TRIM2: variants seen among roughly 807,000 people sequenced by gnomAD.
The protein encoded by TRIM2 is tripartite motif-containing protein 2.
A neutral mutation model predicts 75.2 loss-of-function variants in TRIM2; 20 were observed. That is an observed-to-expected ratio of 0.27 (90% CI 0.19 to 0.39). The LOEUF (loss-of-function observed/expected upper bound fraction) is 0.39, where lower values mean the gene tolerates loss of function less well. Ranked by LOEUF, TRIM2 falls within the 10% of genes least tolerant of loss-of-function variation. The pLI is 1.00. For synonymous variants in TRIM2, 373 were observed against 388.3 expected, an observed-to-expected ratio of 0.96 and a Z score of 0.46; for missense variants, 660 against 990.8, an observed-to-expected ratio of 0.67 and a Z score of 4.48.
At chr4:153,250,340 G>A (rs920393109) in intron 1 of TRIM2, among the ~76,000 whole-genome samples, 1 of 152,072 alleles carries the variant, frequency 6.6e-6, no homozygotes, top group African/African-American at 2.4e-5. Context: ...GGCTGGTCTC[G>A]AGCGCCTGAT....
At chr4:153,332,522 G>A (rs532527603) in intron 11 of TRIM2, among the ~76,000 whole-genome samples, 1 of 152,200 alleles carries the variant, frequency 6.6e-6, no homozygotes, top group South Asian at 2.1e-4. Flanking sequence ...GTGTGTGCCT[G>A]TAATCCCAGC....
chr4:153,301,178 G>A (rs1319239202), intron 6 of TRIM2, among the ~76,000 whole-genome samples: 7 of 150,070 alleles, frequency 4.7e-5, no homozygotes, highest in East Asian at 2.0e-4. Flanking sequence ...GTGACAGAGC[G>A]AGACTCTATC....
At position 153,294,424 on chromosome 4, in the gene TRIM2, T is replaced by C; in HGVS notation, c.725T>C (p.Leu242Ser). 6.2e-7 allele frequency: 1 copy of C among 1,614,126 alleles called. No homozygotes were observed. The highest frequency in any genetic ancestry group is 8.5e-7 in the Non-Finnish European group (1 of 1,180,004). The change falls in exon 5 of 12, where the codon TTA becomes TCA. Residue 242 changes from leucine (L) to serine (S), a missense_variant. Coordinates refer to ENST00000338700, the MANE Select transcript of TRIM2 (RefSeq NM_015271.5). ...HSTFDELQKT[L>S]NVRKSVLLME... ...ACCTTTGATGAGCTCCAGAAGACTT[T>C]AAATGTGCGCAAGAGTGTGCTGCTT...
At chr4:153,314,525 A>G (rs1767165292) in intron 6 of TRIM2, among the ~76,000 whole-genome samples, 1 of 151,734 alleles carries the variant, frequency 6.6e-6, no homozygotes, top group South Asian at 2.1e-4. Context: ...ACACAGGAGC[A>G]TCGCTTAGGC....
chr4:153,245,412 T>C (rs1748868647), intron 1 of TRIM2, among the ~76,000 whole-genome samples: 1 of 152,268 alleles, frequency 6.6e-6, no homozygotes, highest in Admixed American at 6.5e-5. Context: ...AAGCAAAATC[T>C]ACTAAAGGTG....
intron 10 of TRIM2, 47 bp from the exon 11 acceptor site, chr4:153,328,483 C>T (rs371698929): frequency 6.6e-6 from 10 of 1,526,152 alleles, no homozygotes; most frequent in Non-Finnish European, 8.9e-6. Flanking sequence ...CATGTTGGTT[C>T]AAGTATTTTG....
chr4:153,260,724 A>ACAT (rs1553981981), intron 1 of TRIM2, among the ~76,000 whole-genome samples: 36 of 112,648 alleles, frequency 3.2e-4, no homozygotes, highest in African/African-American at 8.3e-4. Context: ...ACACACACAC[A>ACAT]CATCATCATC....
At chr4:153,285,597 A>G (rs1760434179) in intron 3 of TRIM2, among the ~76,000 whole-genome samples, 1 of 152,220 alleles carries the variant, frequency 6.6e-6, no homozygotes, top group South Asian at 2.1e-4. Context: ...TCCTGGGATT[A>G]CAGGCATGAG....
intron 1 of TRIM2, among the ~76,000 whole-genome samples, chr4:153,188,952 C>T (rs1329254032): frequency 6.6e-6 from 1 of 152,130 alleles, no homozygotes; most frequent in Non-Finnish European, 1.5e-5. Flanking sequence ...CCCCATACTC[C>T]CTTCATTTGT....
chr4:153,278,534 C>T (rs1758519591), intron 3 of TRIM2, among the ~76,000 whole-genome samples: 1 of 152,232 alleles, frequency 6.6e-6, no homozygotes, highest in Non-Finnish European at 1.5e-5. Context: ...CATGGTGGCT[C>T]ATGCCTGTAA....
At chr4:153,265,927 A>G (rs1352210300) in intron 1 of TRIM2, among the ~76,000 whole-genome samples, 3 of 152,202 alleles carry the variant, frequency 2.0e-5, no homozygotes, top group Non-Finnish European at 4.4e-5. Flanking sequence ...ATTAAGACAG[A>G]CAAGTCCATT....
intron 11 of TRIM2, among the ~76,000 whole-genome samples, chr4:153,332,014 A>G (rs1425518207): frequency 3.3e-5 from 5 of 152,232 alleles, no homozygotes; most frequent in African/African-American, 7.2e-5. Context: ...TTTAACTGTA[A>G]AATGTAAAAC....
Position 153,270,369 on chromosome 4 carries a change from C to A in TRIM2, c.65C>A (p.Pro22Gln). The change falls in exon 2 of 12, where the codon CCA (proline) becomes CAA (glutamine). Residue 22 changes from proline (P) to glutamine (Q), a missense_variant. By Grantham distance (76) the Pro-to-Gln change is moderately conservative. Transcript: ENST00000338700. ...GCAGGGTCAAAGACAGCCGGCCCCC[C>A]ATGTCAGTGGTCTAGGATGGCCAGT... ...QRAGSKTAGP[P>Q]CQWSRMASEG... The A allele has an allele frequency of 6.2e-7, 1 of 1,613,562 alleles. No individual in the cohort carries two copies. The highest frequency in any genetic ancestry group is 1.1e-5 in the South Asian group (1 of 90,888).
At chr4:153,271,826 G>A (rs75688495) in intron 2 of TRIM2, among the ~76,000 whole-genome samples, 4,404 of 152,278 alleles carry the variant, frequency 0.029, 94 homozygotes, top group Non-Finnish European at 0.04. Context: ...GGCATAGCTT[G>A]GCTGATACTC....
chr4:153,175,195 T>A (rs1480868564), intron 1 of TRIM2, among the ~76,000 whole-genome samples: 1 of 152,168 alleles, frequency 6.6e-6, no homozygotes, highest in Non-Finnish European at 1.5e-5. Context: ...TATTTTTTTG[T>A]ATTTTTAGTA....
chr4:153,315,450 G>A (rs1415088436), intron 6 of TRIM2, 35 bp from the exon 7 acceptor site: 4 of 1,533,998 alleles, frequency 2.6e-6, no homozygotes, highest in East Asian at 4.5e-5. Flanking sequence ...TAACCCTTTA[G>A]TGCTTAATTT....
intron 1 of TRIM2, among the ~76,000 whole-genome samples, chr4:153,246,594 T>C (rs1329157325): frequency 2.6e-5 from 4 of 152,228 alleles, no homozygotes; most frequent in Non-Finnish European, 5.9e-5. Context: ...CCTAACACAG[T>C]GCCTAGCACA....
Position 153,168,427 on chromosome 4 carries a change from T to C in TRIM2, c.-49+15157T>C, listed in dbSNP as rs547134405. On this transcript the variant is annotated intron_variant, in intron 1 of 11. Coordinates refer to the TRIM2 transcript ENST00000437508. ...GATTTCTCTGTGGTAGGATGTTATA[T>C]GAATTTTTGCAAAGAGCATTTATTG... Among the ~76,000 whole-genome samples, 8 of 152,334 alleles carry C rather than the reference T, an allele frequency of 5.3e-5. No individual in the cohort carries two copies. The South Asian group carries it at 1.2e-3, about 24-fold the overall frequency.
intron 1 of TRIM2, chr4:153,222,871 G>A (rs1462274345): frequency 6.5e-6 from 1 of 152,926 alleles, no homozygotes; most frequent in Non-Finnish European, 1.5e-5. Context: ...GGAAGGAGGA[G>A]GCGGAGAGGA....
Sources: gnomAD v4.1 joint callset for allele counts (sites outside exome capture counted in the v4.1 genomes callset) on GRCh38, gnomAD v4.1.1 for gene constraint, MANE v1.5 for transcripts, NCBI Gene and HGNC (gene_info 2026-07-23, HGNC 2026-07-21) for gene names.